CKM: variants seen among roughly 807,000 people sequenced by gnomAD.
CKM encodes creatine kinase, M-type, also known as creatine kinase M-type.
Under a neutral mutation model 35.4 loss-of-function variants are expected in CKM, and 28 were observed. That is an observed-to-expected ratio of 0.79 (90% confidence interval 0.59 to 1.08). The LOEUF (loss-of-function observed/expected upper bound fraction) is 1.08, where lower values mean the gene tolerates loss of function less well. Ranked by LOEUF, CKM falls within the 50% of genes least tolerant of loss-of-function variation. The probability of loss-of-function intolerance (pLI) is 0.00; values close to 1 mark genes in which losing one functional copy is unlikely to be tolerated. For synonymous variants in CKM, 215 were observed against 204.4 expected (o/e 1.05, Z -0.44); for missense variants, 484 against 509.8 (o/e 0.95, Z 0.49).
At chr19:45,321,889 C>T (rs1433506146) in intron 1 of CKM, among the ~76,000 whole-genome samples, 1 of 152,032 alleles carries the variant, frequency 6.6e-6, no homozygotes, top group Non-Finnish European at 1.5e-5. Flanking sequence ...ATTGGGACCA[C>T]GGTGAGCTGA....
intron 4 of CKM, among the ~76,000 whole-genome samples, 185 bp from the exon 5 acceptor site, chr19:45,312,105 A>G (rs940527506): frequency 1.3e-5 from 2 of 152,186 alleles, no homozygotes; most frequent in African/African-American, 2.4e-5. Context: ...TGTTCCTGCC[A>G]TCTGTCCAGG....
At chr19:45,311,472 C>T (rs186037721) in intron 5 of CKM, among the ~76,000 whole-genome samples, 2 of 151,680 alleles carry the variant, frequency 1.3e-5, no homozygotes, top group African/African-American at 2.4e-5. Context: ...GTGATCCCCC[C>T]GCCTTGGCCT....
chr19:45,309,604 G>C (rs1194933429), intron 5 of CKM, among the ~76,000 whole-genome samples: 1 of 148,592 alleles, frequency 6.7e-6, no homozygotes, highest in Non-Finnish European at 1.5e-5. Context: ...GCTCACGCTT[G>C]TAATCCCAGC....
At chr19:45,311,055 C>T (rs917943987) in intron 5 of CKM, among the ~76,000 whole-genome samples, 9 of 148,824 alleles carry the variant, frequency 6.0e-5, no homozygotes, top group African/African-American at 2.0e-4. Flanking sequence ...GCTGGGATTA[C>T]AGGCGTGAGC....
Position 45,319,538 on chromosome 19 carries a change from G to A in CKM, c.176C>T (p.Thr59Ile), listed in dbSNP as rs1298113118. 1.9e-6 allele frequency: 3 copies of A among 1,614,032 alleles called. No homozygotes were observed. Among genetic ancestry groups the A allele is most frequent in the South Asian group, 1.1e-5 (1 of 91,074 alleles). The change falls in exon 2 of 8, where the codon ACA becomes ATA. Residue 59 changes from threonine (T) to isoleucine (I), a missense_variant. Transcript: ENST00000221476. Reference sequence around the variant, plus strand: ...AGGCTCACCTGGGTTGTCCACTCCTGTCTGGATGACATCGTCTACAGTGAA... The same window carrying A: ...AGGCTCACCTGGGTTGTCCACTCCTATCTGGATGACATCGTCTACAGTGAA... Reference protein sequence around the residue: ...SGFTVDDVIQTGVDNPGHPFI... With the variant: ...SGFTVDDVIQIGVDNPGHPFI...
chr19:45,306,909 G>A lies in CKM; in HGVS notation c.987C>T (p.Ala329=), dbSNP rs1319151724. The part of the protein sequence containing the change: ...KRGTGGVDTA[A]VGSVFDVSNA... Reference sequence around the variant, plus strand: ...TGGACACGTCAAATACTGAGCCCACGGCAGCTGTGTCCACGCCACCTGTGG... The same window carrying A: ...TGGACACGTCAAATACTGAGCCCACAGCAGCTGTGTCCACGCCACCTGTGG... The change falls in exon 8 of 8, where the codon GCC becomes GCT. Residue 329 remains alanine (A), a synonymous_variant. Transcript: ENST00000221476. This position sits in a 1 kb window ranked among gnomAD's most constrained non-coding sequence, Gnocchi z 4.5. The A allele has an allele frequency of 2.5e-6, 4 of 1,613,894 alleles. No individual in the cohort carries two copies. The highest frequency in any genetic ancestry group is 3.4e-6 in the Non-Finnish European group (4 of 1,180,048).
At chr19:45,317,777 C>G (rs751609454) in intron 3 of CKM, 48 bp downstream of exon 3, 2 of 1,604,186 alleles carry the variant, frequency 1.2e-6, no homozygotes, top group South Asian at 2.2e-5. Context: ...CTCCTGTGAT[C>G]TCTCTCCTCC....
At position 45,317,898 on chromosome 19, in the gene CKM, A is replaced by G. The variant is rs1349493811; in HGVS notation, c.275T>C (p.Ile92Thr). The G allele has an allele frequency of 6.2e-7, 1 of 1,613,652 alleles. No homozygotes were observed. The highest frequency in any genetic ancestry group is 8.5e-7 in the Non-Finnish European group (1 of 1,179,942). Residue 92 changes from isoleucine to threonine, a missense_variant, in exon 3 of 8, where the codon ATC becomes ACC. Physicochemically the swap from Ile to Thr is moderately conservative, Grantham distance 89. Coordinates refer to ENST00000221476, the MANE Select transcript of CKM (RefSeq NM_001824.5). ...GTAGCCCCCGTGGCGATCCGAGATGATGGGGTCAAAGAGTTCCTTGAAAAC... is the reference window on the plus strand; with the variant it reads ...GTAGCCCCCGTGGCGATCCGAGATGGTGGGGTCAAAGAGTTCCTTGAAAAC... ...YEVFKELFDP[I>T]ISDRHGGYKP...
intron 2 of CKM, 68 bp downstream of exon 2, chr19:45,319,453 T>C: frequency 7.8e-7 from 1 of 1,275,376 alleles, no homozygotes; most frequent in Non-Finnish European, 1.1e-6. Flanking sequence ...GGTGGTGGGA[T>C]TGGGGCATGG....
In CKM at chr19:45,311,733, C is replaced by T. The variant is rs1283561341; in HGVS notation, c.653+16G>A. 9 of 1,551,684 alleles carry T rather than the reference C, an allele frequency of 5.8e-6. No individual in the cohort carries two copies. The highest frequency in any genetic ancestry group is 2.4e-5 in the East Asian group (1 of 42,370). ...GCTGGGGGAAGAGGAAGCCAGGGGGCGGGGAGGGGCCTCACCAGATGCCAC... is the reference window on the plus strand; with the variant it reads ...GCTGGGGGAAGAGGAAGCCAGGGGGTGGGGAGGGGCCTCACCAGATGCCAC... On this transcript the variant is annotated intron_variant, in intron 5 of 7. Transcript: ENST00000221476.
At chr19:45,309,052 C>A (rs548228893) in intron 5 of CKM, among the ~76,000 whole-genome samples, 1 of 149,196 alleles carries the variant, frequency 6.7e-6, no homozygotes, top group South Asian at 2.1e-4. Flanking sequence ...ACGTCGAAAC[C>A]CTGTCTCTAC....
intron 4 of CKM, among the ~76,000 whole-genome samples, chr19:45,312,995 T>A (rs1265506388): frequency 2.0e-5 from 3 of 151,926 alleles, no homozygotes; most frequent in Non-Finnish European, 4.4e-5. Flanking sequence ...TATTTGTATA[T>A]TCATGTATAA....
In CKM at chr19:45,306,626, GGA is replaced by G; in HGVS notation, c.*122_*123del. On this transcript the variant is annotated 3_prime_UTR_variant, in exon 8 of 8. Transcript: ENST00000221476. This position sits in a 1 kb window ranked among gnomAD's most constrained non-coding sequence, Gnocchi z 4.5. ...TTGAAACTGGAACTCTGAGAAGGGTGGAGAGAGCCCCCAGGTGGGACTCTGGG... is the reference window on the plus strand; with the variant it reads ...TTGAAACTGGAACTCTGAGAAGGGTGGAGAGCCCCCAGGTGGGACTCTGGG... 1 of 973,942 alleles carries G rather than the reference GGA, an allele frequency of 1.0e-6. No homozygotes were observed. Among genetic ancestry groups the G allele is most frequent in the Non-Finnish European group, 1.6e-6 (1 of 621,722 alleles). 60.3% of individuals were successfully genotyped at this position (973,942 alleles called of 1,614,324 possible). A position where few individuals can be genotyped will look rare whatever the true frequency, so the allele number is the denominator to read the frequency against.
rs1027687439 is a variant in CKM at position 45,306,647 on chromosome 19, C to G, written c.*103G>C. 1 of 1,275,584 alleles carries G rather than the reference C, an allele frequency of 7.8e-7. No homozygotes were observed. The highest frequency in any genetic ancestry group is 1.5e-5 in the African/African-American group (1 of 68,710). 79.0% of individuals were successfully genotyped at this position (1,275,584 alleles called of 1,614,324 possible). A position where few individuals can be genotyped will look rare whatever the true frequency, so the allele number is the denominator to read the frequency against. On this transcript the variant is annotated 3_prime_UTR_variant, in exon 8 of 8. Transcript: ENST00000221476. The surrounding 1 kb of genome is among the most constrained non-coding windows in gnomAD (Gnocchi z 4.5). Reference sequence around the variant, plus strand: ...GGGTGGAGAGAGCCCCCAGGTGGGACTCTGGGACAGGGGGCGGGGCGAGGA... The same window carrying G: ...GGGTGGAGAGAGCCCCCAGGTGGGAGTCTGGGACAGGGGGCGGGGCGAGGA...
chr19:45,312,571 C>T (rs1177173158), intron 4 of CKM, among the ~76,000 whole-genome samples: 5 of 151,824 alleles, frequency 3.3e-5, no homozygotes, highest in African/African-American at 4.8e-5. Flanking sequence ...TACAGGCATG[C>T]GCCACCATGC....
rs1299718424 is a variant in CKM at position 45,318,005 on chromosome 19, GC to G, written c.194-27del. 3 of 1,611,070 alleles carry G rather than the reference GC, an allele frequency of 1.9e-6. No individual in the cohort carries two copies. In the East Asian group the frequency reaches 6.7e-5, roughly 36 times the overall value. The stretch of plus-strand genomic sequence containing the variant: ...CTGGAGGGGTGGGGGTGAGGTCAGA[GC>G]TGCTTGTCCCCAGCAAACAGGGCGT... On this transcript the variant is annotated intron_variant, in intron 2 of 7. Transcript: ENST00000221476.
intron 1 of CKM, among the ~76,000 whole-genome samples, chr19:45,322,463 G>A (rs188645575): frequency 6.6e-5 from 10 of 152,086 alleles, no homozygotes; most frequent in South Asian, 4.2e-4. Context: ...CACCTCCCAC[G>A]GCTTGTGGCG....
intron 4 of CKM, among the ~76,000 whole-genome samples, chr19:45,314,421 CT>C (rs532104483): frequency 2.0e-5 from 3 of 149,314 alleles, no homozygotes; most frequent in Admixed American, 6.7e-5. Context: ...ATAAACATAA[CT>C]TTTTTTTTTG....
chr19:45,320,410 G>A (rs1971202919), intron 1 of CKM, among the ~76,000 whole-genome samples: 1 of 152,172 alleles, frequency 6.6e-6, no homozygotes, highest in South Asian at 2.1e-4. Context: ...CTCGCATCTT[G>A]CAGACAGCAG....
Sources: gnomAD v4.1 joint callset for allele counts (sites outside exome capture counted in the v4.1 genomes callset) on GRCh38, gnomAD v4.1.1 for gene constraint, Gnocchi (gnomAD v3.1) non-coding constraint, MANE v1.5 for transcripts, NCBI Gene and HGNC (gene_info 2026-07-23, HGNC 2026-07-21) for gene names.